Variants in ABCA7 observed in about 807,000 individuals in gnomAD.
ABCA7 encodes the protein phospholipid-transporting ATPase ABCA7.
In ABCA7, 261 loss-of-function variants were observed where a neutral mutation model predicts 227.6. That is an observed-to-expected ratio of 1.15 (90% CI 1.04 to 1.27). The LOEUF is 1.27. ABCA7 is among the 50% of genes most tolerant of loss of function. ABCA7 has a pLI of 0.00. For missense variants in ABCA7, 3,331 were observed against 2,924.5 expected (o/e 1.14, Z -3.21); for synonymous variants, 1,488 against 1,279.7 (o/e 1.16, Z -3.47).
At position 1,051,942 on chromosome 19, in the gene ABCA7, G is replaced by T. The variant is rs1227207973; in HGVS notation, c.2963G>T (p.Gly988Val). 1.2e-6 allele frequency: 2 copies of T among 1,611,016 alleles called. No individual in the cohort carries two copies. Among genetic ancestry groups the T allele is most frequent in the South Asian group, 1.1e-5 (1 of 91,008 alleles). The change falls in exon 22 of 47, where the codon GGT (glycine) becomes GTT (valine). Residue 988 changes from glycine to valine, a missense_variant and splice_region_variant. Physicochemically the swap from Gly to Val is moderately radical, Grantham distance 109. Transcript: ENST00000263094. ...IWELLLKYRE[G>V]RTLILSTHHL... Reference sequence around the variant, plus strand: ...TTGTGGGTTGGTCCCCCGTGCCTAGGTCGCACGCTGATCCTCTCCACCCAC... The same window carrying T: ...TTGTGGGTTGGTCCCCCGTGCCTAGTTCGCACGCTGATCCTCTCCACCCAC...
intron 23 of ABCA7, 123 bp from the exon 24 acceptor site, chr19:1,053,206 G>A (rs1324873956): frequency 1.6e-5 from 17 of 1,076,814 alleles, no homozygotes; most frequent in Admixed American, 7.4e-5. Flanking sequence ...CCTGGCCTAC[G>A]TTCTTAACCC....
intron 42 of ABCA7, among the ~76,000 whole-genome samples, chr19:1,062,579 C>T (rs1189876936): frequency 6.6e-6 from 1 of 152,076 alleles, no homozygotes. Flanking sequence ...TTGCCCCTCT[C>T]TCCTTGACTC....
Position 1,042,227 on chromosome 19 carries a change from G to T in ABCA7, c.415+51G>T, listed in dbSNP as rs1177465554. On this transcript the variant is annotated intron_variant, in intron 5 of 46. Transcript: ENST00000263094. ...AGGGCTGAGCTCTGAGCCTCAACTT[G>T]CCGGGCCGTGAAATGGGCACAGGGT... 7.5e-6 allele frequency: 12 copies of T among 1,591,176 alleles called. 1 individual carries two copies. The East Asian group carries it at 2.7e-4, about 36-fold the overall frequency.
At chr19:1,041,755 A>G in intron 3 of ABCA7, 76 bp from the exon 4 acceptor site, 1 of 1,589,406 alleles carries the variant, frequency 6.3e-7, no homozygotes. Context: ...GAGGCATGCA[A>G]GCGGTGCCGG....
At position 1,053,661 on chromosome 19, in the gene ABCA7, G is replaced by A. The variant is rs529918249; in HGVS notation, c.3424-127G>A. 141 of 1,511,220 alleles carry A rather than the reference G, an allele frequency of 9.3e-5. No individual in the cohort carries two copies. In the African/African-American group the frequency reaches 1.7e-3, roughly 18 times the overall value. The allele number at this position is 1,511,220 out of a possible 1,614,324, so 93.6% of individuals were successfully genotyped here. A position where few individuals can be genotyped will look rare whatever the true frequency, so the allele number is the denominator to read the frequency against. On this transcript the variant is annotated intron_variant, in intron 24 of 46. Coordinates refer to ENST00000263094, the MANE Select transcript of ABCA7 (RefSeq NM_019112.4). ...AGGGAGGAGGCATGGCACATGAGGA[G>A]CTCTGGTGGCTCAGATGTCCCTTGG...
rs756145054 is a variant in ABCA7, at chr19:1,049,382, C to G, written c.2497C>G (p.Gln833Glu). ...ALRGLSLDFY[Q>E]GHITAFLGHN... ...GCGGGGGCTCAGCCTGGACTTCTAC[C>G]AGGGCCACATCACCGCCTTCCTGGG... The change falls in exon 18 of 47, where the codon CAG (glutamine) becomes GAG (glutamate). Residue 833 changes from glutamine (Q) to glutamate (E), a missense_variant. Transcript: ENST00000263094. 6.2e-7 allele frequency: 1 copy of G among 1,611,168 alleles called. No homozygotes were observed. The highest frequency in any genetic ancestry group is 8.5e-7 in the Non-Finnish European group (1 of 1,179,046).
chr19:1,064,830 C>A, intron 45 of ABCA7, 101 bp from the exon 46 acceptor site: 1 of 1,435,526 alleles, frequency 7.0e-7, no homozygotes, highest in Non-Finnish European at 9.1e-7. Flanking sequence ...TAGGGTAGTA[C>A]AAGTATGGGG....
rs1205417483 is a variant in ABCA7 at position 1,046,257 on chromosome 19, C to T, written c.1473C>T (p.Asp491=). The T allele has an allele frequency of 8.1e-6, 13 of 1,607,134 alleles. No individual in the cohort carries two copies. The highest frequency in any genetic ancestry group is 1.7e-5 in the Admixed American group (1 of 59,956). ...TTTGGGACCCTGGCCCAGCCGCGGACCCCCTGACCGACCTGCGCTACGTGT... is the reference window on the plus strand; with the variant it reads ...TTTGGGACCCTGGCCCAGCCGCGGATCCCCTGACCGACCTGCGCTACGTGT... ...DRFWDPGPAA[D]PLTDLRYVWG... The change falls in exon 13 of 47, where the codon GAC becomes GAT. Residue 491 remains aspartate (D), a synonymous_variant. Coordinates refer to ENST00000263094, the MANE Select transcript of ABCA7 (RefSeq NM_019112.4).
chr19:1,041,864 G>T lies in ABCA7; in HGVS notation c.194G>T (p.Gly65Val), dbSNP rs762431840. 6.9e-6 allele frequency: 11 copies of T among 1,599,090 alleles called. No homozygotes were observed. The South Asian group carries it at 1.1e-4, about 16-fold the overall frequency. The change falls in exon 4 of 47, where the codon GGC (glycine) becomes GTC (valine). Residue 65 changes from glycine (G) to valine (V), a missense_variant. By Grantham distance (109) the Gly-to-Val change is moderately radical (BLOSUM62 -3). Coordinates refer to ENST00000263094, the MANE Select transcript of ABCA7 (RefSeq NM_019112.4). ...CCAAACAAGCCACTGCCATCGGCGG[G>T]CACCGTGCCCTGGCTCCAGGGTCTC... Reference protein sequence around the residue: ...HFPNKPLPSAGTVPWLQGLIC... With the variant: ...HFPNKPLPSAVTVPWLQGLIC...
rs553112069 is a variant in ABCA7, at chr19:1,042,368, G to A, written c.469G>A (p.Ala157Thr). 32 of 1,604,548 alleles carry A rather than the reference G, an allele frequency of 2.0e-5. No individual in the cohort carries two copies. The African/African-American group carries it at 3.5e-4, about 17-fold the overall frequency. Reference sequence around the variant, plus strand: ...ACTGGAACCACCCATGCTGGATGTCGCGGAGCTGCTGACGTCACTGCTGCG... The same window carrying A: ...ACTGGAACCACCCATGCTGGATGTCACGGAGCTGCTGACGTCACTGCTGCG... Reference protein sequence around the residue: ...SPLEPPMLDVAELLTSLLRTE... With the variant: ...SPLEPPMLDVTELLTSLLRTE... The change falls in exon 6 of 47, where the codon GCG (alanine) becomes ACG (threonine). Residue 157 changes from alanine (A) to threonine (T), a missense_variant. Coordinates refer to ENST00000263094, the MANE Select transcript of ABCA7 (RefSeq NM_019112.4).
At chr19:1,048,830 C>G (rs1169353504) in intron 16 of ABCA7, 65 bp from the exon 17 acceptor site, 7 of 931,738 alleles carry the variant, frequency 7.5e-6, no homozygotes, top group Non-Finnish European at 7.8e-6. Flanking sequence ...AAAACAAAAC[C>G]CCAAAAAAAG....
chr19:1,051,111 T>C, intron 19 of ABCA7, 44 bp from the exon 20 acceptor site: 1 of 1,611,226 alleles, frequency 6.2e-7, no homozygotes, highest in East Asian at 2.2e-5. Flanking sequence ...CCTCTGGGAC[T>C]CTGCCTGCCA....
rs2040007694 is a variant in ABCA7, at chr19:1,041,300, C to A, written c.-62C>A. ...GGCAGGGAGTTGCCCGCAGCCGCAC[C>A]GCACGTCTTCAGCCCGACCGTTGTC... On this transcript the variant is annotated 5_prime_UTR_variant, in exon 2 of 47. Coordinates refer to ENST00000263094, the MANE Select transcript of ABCA7 (RefSeq NM_019112.4). The A allele has an allele frequency of 1.3e-6, 2 of 1,554,970 alleles. No individual in the cohort carries two copies. The highest frequency in any genetic ancestry group is 2.2e-5 in the South Asian group (2 of 89,908).
Position 1,058,639 on chromosome 19 carries a change from C to T in ABCA7, c.5171C>T (p.Pro1724Leu), listed in dbSNP as rs2042444501. 6.2e-7 allele frequency: 1 copy of T among 1,613,918 alleles called. No homozygotes were observed. The highest frequency in any genetic ancestry group is 1.1e-5 in the South Asian group (1 of 91,082). ...ERLGDRQFQS[P>L]LRWEVVGKNL... ...ACAGGAGACAGGCAGTTCCAGTCAC[C>T]CCTGCGCTGGGAGGTGGTCGGCAAG... Residue 1724 changes from proline to leucine, a missense_variant, in exon 38 of 47, where the codon CCC becomes CTC. Coordinates refer to ENST00000263094, the MANE Select transcript of ABCA7 (RefSeq NM_019112.4).
At chr19:1,061,735 C>T (rs1189030429) in intron 40 of ABCA7, 47 bp from the exon 41 acceptor site, 1 of 1,507,158 alleles carries the variant, frequency 6.6e-7, no homozygotes, top group Non-Finnish European at 9.0e-7. Context: ...GATGCCGGAA[C>T]CAGGGCCTGG....
chr19:1,043,110 C>G lies in ABCA7; in HGVS notation c.649C>G (p.Leu217Val). 2 of 1,612,634 alleles carry G rather than the reference C, an allele frequency of 1.2e-6. No individual in the cohort carries two copies. The highest frequency in any genetic ancestry group is 2.2e-5 in the East Asian group (1 of 44,870). The stretch of plus-strand genomic sequence containing the variant: ...GAGACCCCGAGGGACCAGCGGCCCC[C>G]TGGAGTTGCTGTCAGAGGCCCTCTG... Reference protein sequence around the residue: ...LQRPRGTSGPLELLSEALCSV... With the variant: ...LQRPRGTSGPVELLSEALCSV... Residue 217 changes from leucine (L) to valine (V), a missense_variant, in exon 8 of 47, where the codon CTG becomes GTG. Transcript: ENST00000263094.
In ABCA7 at chr19:1,062,230, G is replaced by T. The variant is rs2042705437; in HGVS notation, c.5629G>T (p.Ala1877Ser). ...CATGGGATACTGCCCTCAATCCGAT[G>T]CCATCTTTGAGCTGCTGACGGGCCG... ...LSMGYCPQSD[A>S]IFELLTGREH... The change falls in exon 42 of 47, where the codon GCC becomes TCC. Residue 1877 changes from alanine (A) to serine (S), a missense_variant. By Grantham distance (99) the Ala-to-Ser change is moderately conservative (BLOSUM62 1). Coordinates refer to ENST00000263094, the MANE Select transcript of ABCA7 (RefSeq NM_019112.4). 1 of 1,612,236 alleles carries T rather than the reference G, an allele frequency of 6.2e-7. No homozygotes were observed. The highest frequency in any genetic ancestry group is 8.5e-7 in the Non-Finnish European group (1 of 1,179,818).
At chr19:1,047,091 C>G (rs921175567) in intron 14 of ABCA7, 66 bp from the exon 15 acceptor site, 1 of 1,555,092 alleles carries the variant, frequency 6.4e-7, no homozygotes, top group Non-Finnish European at 8.7e-7. Flanking sequence ...AGGGGCGGCC[C>G]CACGTGGGTG....
Position 1,062,213 on chromosome 19 carries a change from A to C in ABCA7, c.5612A>C (p.Tyr1871Ser). Reference protein sequence around the residue: ...EPSAAHLSMGYCPQSDAIFEL... With the variant: ...EPSAAHLSMGSCPQSDAIFEL... ...AGTGCTGCGCACCTCAGCATGGGAT[A>C]CTGCCCTCAATCCGATGCCATCTTT... The change falls in exon 42 of 47, where the codon TAC becomes TCC. Residue 1871 changes from tyrosine to serine, a missense_variant. Tyr to Ser is a moderately radical substitution (Grantham distance 144). Coordinates refer to ENST00000263094, the MANE Select transcript of ABCA7 (RefSeq NM_019112.4). The C allele has an allele frequency of 3.1e-6, 5 of 1,612,474 alleles. No individual in the cohort carries two copies. The highest frequency in any genetic ancestry group is 3.4e-6 in the Non-Finnish European group (4 of 1,179,824).
Sources: allele counts gnomAD v4.1 joint callset (sites outside exome capture counted in the v4.1 genomes callset), GRCh38; gene constraint gnomAD v4.1.1; transcripts MANE v1.5; gene names NCBI Gene and HGNC (gene_info 2026-07-23, HGNC 2026-07-21).